SLC7A8: variants seen among roughly 807,000 people sequenced by gnomAD.
The protein encoded by SLC7A8 is large neutral amino acids transporter small subunit 2.
In SLC7A8, 30 loss-of-function variants were observed where a neutral mutation model predicts 51.2. That is an observed-to-expected ratio of 0.59 (90% CI 0.44 to 0.80). The LOEUF is 0.80. Ranked by LOEUF, SLC7A8 falls within the 30% of genes least tolerant of loss-of-function variation. The pLI is 0.00. For synonymous variants in SLC7A8, 257 were observed against 275.8 expected, an observed-to-expected ratio of 0.93 and a Z score of 0.67; for missense variants, 612 against 674.4, an observed-to-expected ratio of 0.91 and a Z score of 1.03.
At chr14:23,169,998 T>C (rs2048968233) in intron 1 of SLC7A8, among the ~76,000 whole-genome samples, 1 of 152,218 alleles carries the variant, frequency 6.6e-6, no homozygotes, top group African/African-American at 2.4e-5. Context: ...GAGGCACTTA[T>C]TGAAGAGTTG....
At chr14:23,141,896 TAG>T (rs2048749082) in intron 4 of SLC7A8, among the ~76,000 whole-genome samples, 1 of 152,140 alleles carries the variant, frequency 6.6e-6, no homozygotes, top group African/African-American at 2.4e-5. Context: ...TTCAATGAGA[TAG>T]AGAGTAACTG....
rs60225082 is a variant in SLC7A8, at chr14:23,126,954, T to C, written c.*223A>G. The C allele has an allele frequency of 2.9e-3, 1,725 of 589,740 alleles. 31 individuals are homozygous for C. The African/African-American group carries it at 0.03, about 10-fold the overall frequency. The allele number at this position is 589,740 out of a possible 1,614,324, so 36.5% of individuals were successfully genotyped here. A position where few individuals can be genotyped will look rare whatever the true frequency, so the allele number is the denominator to read the frequency against. The stretch of plus-strand genomic sequence containing the variant: ...CAGCAGCTGGGAGTGTGGGCAGCAC[T>C]GGAGTGGGGCCTGGGACATGGACCC... On this transcript the variant is annotated 3_prime_UTR_variant, in exon 11 of 11. Transcript: ENST00000316902.
Position 23,165,514 on chromosome 14 carries a change from G to C in SLC7A8, c.357-78C>G. The C allele has an allele frequency of 6.9e-7, 1 of 1,442,626 alleles. No homozygotes were observed. 89.4% of individuals were successfully genotyped at this position (1,442,626 alleles called of 1,614,324 possible). A position where few individuals can be genotyped will look rare whatever the true frequency, so the allele number is the denominator to read the frequency against. On this transcript the variant is annotated intron_variant, in intron 2 of 10. Transcript: ENST00000316902. The surrounding 1 kb of genome is among the most constrained non-coding windows in gnomAD (Gnocchi z 4.2). ...TCAGGGGAGAGCCCGGGCAAGTCAT[G>C]CATCTCTTTTTTATTTTCAAGGATG...
In SLC7A8 at chr14:23,161,925, T is replaced by TCAAAAAA. The variant is rs57814296; in HGVS notation, c.508+3359_508+3360insTTTTTTG. On this transcript the variant is annotated intron_variant, in intron 3 of 10. Coordinates refer to ENST00000316902, the MANE Select transcript of SLC7A8 (RefSeq NM_012244.4). ...CTGGGTGACAGAGTGAGACTCCATC[T>TCAAAAAA]AAAAAAAAAAAAAAAAAAAGCATCT... Among the ~76,000 whole-genome samples, 26 of 107,170 alleles carry TCAAAAAA rather than the reference T, an allele frequency of 2.4e-4. 11 individuals are homozygous for TCAAAAAA. Among genetic ancestry groups the TCAAAAAA allele is most frequent in the African/African-American group, 2.2e-4 (6 of 27,684 alleles). 70.3% of individuals were successfully genotyped at this position (107,170 alleles called of 152,430 possible).
intron 4 of SLC7A8, 137 bp downstream of exon 4, chr14:23,142,942 G>A: frequency 8.7e-7 from 1 of 1,155,982 alleles, no homozygotes; most frequent in South Asian, 1.5e-5. Context: ...TCAAGCAAGG[G>A]AAGAAGAAGA....
At chr14:23,177,780 C>T (rs1454449878) in intron 1 of SLC7A8, among the ~76,000 whole-genome samples, 2 of 152,116 alleles carry the variant, frequency 1.3e-5, no homozygotes, top group African/African-American at 2.4e-5. Flanking sequence ...GCAATTGCAC[C>T]GGGAATATTA....
At chr14:23,144,933 C>CTTT (rs199939524) in intron 3 of SLC7A8, among the ~76,000 whole-genome samples, 5 of 139,648 alleles carry the variant, frequency 3.6e-5, no homozygotes, top group African/African-American at 5.3e-5. Context: ...TTTTCTTTTT[C>CTTT]TTTTTTTTTT....
At position 23,154,555 on chromosome 14, in the gene SLC7A8, C is replaced by T. The variant is rs185669482; in HGVS notation, c.508+10730G>A. ...TTGTGGAAAAGCCGCTTCGGCTTGG[C>T]CTGTCCAACCGCAGGCGTTTCCAGA... On this transcript the variant is annotated intron_variant, in intron 3 of 10. Coordinates refer to ENST00000316902, the MANE Select transcript of SLC7A8 (RefSeq NM_012244.4). 5.4e-5 allele frequency: 46 copies of T among 858,578 alleles called. No individual in the cohort carries two copies. The African/African-American group carries it at 7.5e-4, about 14-fold the overall frequency. 53.2% of individuals were successfully genotyped at this position (858,578 alleles called of 1,614,324 possible). A position where few individuals can be genotyped will look rare whatever the true frequency, so the allele number is the denominator to read the frequency against.
intron 1 of SLC7A8, among the ~76,000 whole-genome samples, chr14:23,172,117 T>C (rs771042674): frequency 1.1e-4 from 17 of 152,172 alleles, no homozygotes; most frequent in Non-Finnish European, 1.8e-4. Flanking sequence ...ACAGGGTTGT[T>C]GTGGGGAATC....
rs769182225 is a variant in SLC7A8 at position 23,140,454 on chromosome 14, A to G, written c.788+17T>C. ...GCCCTTCAAGGGAGAGGGAATAGCC[A>G]GGCTCTTTCAACTCACTTGTAGGGA... On this transcript the variant is annotated intron_variant, in intron 5 of 10. Coordinates refer to ENST00000316902, the MANE Select transcript of SLC7A8 (RefSeq NM_012244.4). 7.6e-6 allele frequency: 12 copies of G among 1,589,076 alleles called. No individual in the cohort carries two copies. The African/African-American group carries it at 1.3e-4, about 18-fold the overall frequency.
rs771270900 is a variant in SLC7A8, at chr14:23,127,233, T to C, written c.1552A>G (p.Met518Val). ...TCCTTCGTGGGAGTGGGTTGGTACA[T>C]GGGCTGCTGCTGCTCCTCCATGTCC... is the stretch of plus-strand genomic sequence containing the variant. Reference protein sequence around the residue: ...NEDMEEQQQPMYQPTPTKDKD... With the variant: ...NEDMEEQQQPVYQPTPTKDKD... Residue 518 changes from methionine (M) to valine (V), a missense_variant, in exon 11 of 11, where the codon ATG (methionine) becomes GTG (valine). Transcript: ENST00000316902. 9 of 1,613,956 alleles carry C rather than the reference T, an allele frequency of 5.6e-6. No individual in the cohort carries two copies. In the Admixed American group the frequency reaches 1.2e-4, roughly 21 times the overall value.
intron 2 of SLC7A8, among the ~76,000 whole-genome samples, 190 bp downstream of exon 2, chr14:23,166,146 G>T (rs1480754854): frequency 6.6e-6 from 1 of 151,922 alleles, no homozygotes; most frequent in African/African-American, 2.4e-5. Flanking sequence ...TCATTATCGG[G>T]AGCCTCAAGG....
intron 3 of SLC7A8, among the ~76,000 whole-genome samples, chr14:23,162,808 G>A (rs2048930745): frequency 6.6e-6 from 1 of 152,174 alleles, no homozygotes. Context: ...GAAAGCCATG[G>A]GGTCTGGCTG....
intron 3 of SLC7A8, among the ~76,000 whole-genome samples, chr14:23,161,047 AGAATAACTC>A (rs1336792360): frequency 2.6e-5 from 4 of 152,002 alleles, no homozygotes; most frequent in African/African-American, 9.7e-5. Flanking sequence ...CCTAAATAAT[AGAATAACTC>A]GAAGTGGCAG....
At chr14:23,182,289 G>A (rs1255875746) in intron 1 of SLC7A8, among the ~76,000 whole-genome samples, 1 of 152,182 alleles carries the variant, frequency 6.6e-6, no homozygotes, top group Admixed American at 6.5e-5. Flanking sequence ...GCAGGGCATT[G>A]CTCTTGCTAT....
chr14:23,170,212 G>C (rs150515947), intron 1 of SLC7A8, among the ~76,000 whole-genome samples: 64 of 152,284 alleles, frequency 4.2e-4, no homozygotes, highest in Non-Finnish European at 7.5e-4. Flanking sequence ...TGCATAAGTA[G>C]CAAGGCCTGG....
chr14:23,136,273 C>A (rs1389867624), intron 7 of SLC7A8, among the ~76,000 whole-genome samples: 1 of 152,214 alleles, frequency 6.6e-6, no homozygotes, highest in African/African-American at 2.4e-5. Context: ...CTCTCCCATG[C>A]TACTGCCCCT....
intron 3 of SLC7A8, among the ~76,000 whole-genome samples, chr14:23,149,241 A>C (rs2140321845): frequency 6.6e-6 from 1 of 152,326 alleles, no homozygotes; most frequent in African/African-American, 2.4e-5. Flanking sequence ...TACAGTAGCA[A>C]ACAGCCTTGC....
In SLC7A8 at chr14:23,126,188, C is replaced by A. The variant is rs913890021; in HGVS notation, c.*989G>T. ...GGCCAAGTTCTTGGATGGGAGGTGA[C>A]TTAAGGCTGATCTGGCTCTGATCTC... On this transcript the variant is annotated 3_prime_UTR_variant, in exon 11 of 11. Coordinates refer to ENST00000316902, the MANE Select transcript of SLC7A8 (RefSeq NM_012244.4). 1 of 152,978 alleles carries A rather than the reference C, an allele frequency of 6.5e-6. No homozygotes were observed. Among genetic ancestry groups the A allele is most frequent in the Non-Finnish European group, 1.5e-5 (1 of 68,180 alleles). 9.5% of individuals were successfully genotyped at this position (152,978 alleles called of 1,614,324 possible). A position where few individuals can be genotyped will look rare whatever the true frequency, so the allele number is the denominator to read the frequency against.
Sources: allele counts gnomAD v4.1 joint callset (sites outside exome capture counted in the v4.1 genomes callset), GRCh38; gene constraint gnomAD v4.1.1; non-coding constraint Gnocchi (gnomAD v3.1); transcripts MANE v1.5; gene names NCBI Gene and HGNC (gene_info 2026-07-23, HGNC 2026-07-21).